The following LEKR1 variants were observed in gnomAD, a reference collection of about 807,000 sequenced individuals.
The protein encoded by LEKR1 is protein LEKR1.
LEKR1 carries 59 observed loss-of-function variants against 72.4 expected under a neutral mutation model. The observed-to-expected ratio is 0.82, with a 90% CI of 0.66 to 1.01. The LOEUF (loss-of-function observed/expected upper bound fraction) is 1.01, where lower values mean the gene tolerates loss of function less well. LEKR1 is among the 50% of genes least tolerant of loss of function. The pLI, the probability that LEKR1 is intolerant of heterozygous loss-of-function variation, is 0.00. For synonymous variants in LEKR1, 257 were observed against 263.2 expected (o/e 0.98, Z 0.23); for missense variants, 728 against 759.2 (o/e 0.96, Z 0.48).
At chr3:156,894,795 G>A (rs1367653222) in intron 3 of LEKR1, among the ~76,000 whole-genome samples, 1 of 152,100 alleles carries the variant, frequency 6.6e-6, no homozygotes, top group African/African-American at 2.4e-5. Flanking sequence ...AATGGGGAAA[G>A]GACTCCCTAT....
intron 2 of LEKR1, among the ~76,000 whole-genome samples, chr3:156,849,680 G>A (rs1341122786): frequency 6.6e-6 from 1 of 152,280 alleles, no homozygotes; most frequent in Non-Finnish European, 1.5e-5. Flanking sequence ...TTTAATAAAT[G>A]ATGCTGGGAA....
At chr3:156,869,098 A>G (rs1576698123) in intron 3 of LEKR1, among the ~76,000 whole-genome samples, 1 of 152,032 alleles carries the variant, frequency 6.6e-6, no homozygotes, top group South Asian at 2.1e-4. Context: ...CCATTCTTCC[A>G]TTGATGGACA....
At position 156,860,347 on chromosome 3, in the gene LEKR1, G is replaced by A. The variant is rs547692376; in HGVS notation, c.263+7365G>A. Among the ~76,000 whole-genome samples, 40 of 152,188 alleles carry A rather than the reference G, an allele frequency of 2.6e-4. No homozygotes were observed. In the South Asian group the frequency reaches 7.5e-3, roughly 28 times the overall value. ...ACATTTCCTCTTCAGTTTCTCCTCC[G>A]CTTATGCCAAATTGAGACTGTCATG... On this transcript the variant is annotated intron_variant, in intron 3 of 12. Transcript: ENST00000356539.
intron 3 of LEKR1, among the ~76,000 whole-genome samples, chr3:156,886,153 G>T (rs544815513): frequency 1.7e-4 from 26 of 152,156 alleles, no homozygotes; most frequent in Non-Finnish European, 1.0e-4. Context: ...GGGGAGGGGG[G>T]TTCTCAGGCC....
rs1452113789 is a variant in LEKR1 at position 156,888,343 on chromosome 3, C to T, written c.264-32232C>T. 9 of 701,914 alleles carry T rather than the reference C, an allele frequency of 1.3e-5. No homozygotes were observed. The South Asian group carries it at 1.3e-4, about 10-fold the overall frequency. 43.5% of individuals were successfully genotyped at this position (701,914 alleles called of 1,614,324 possible). ...GCTTAGACTGGAAGTAGAACATTGCCAGCTGAAAGAACGAATGCCAGATCT... is the reference window on the plus strand; with the variant it reads ...GCTTAGACTGGAAGTAGAACATTGCTAGCTGAAAGAACGAATGCCAGATCT... On this transcript the variant is annotated intron_variant, in intron 3 of 12. Transcript: ENST00000356539.
intron 10 of LEKR1, among the ~76,000 whole-genome samples, chr3:157,020,387 C>G: frequency 7.0e-6 from 1 of 143,636 alleles, no homozygotes; most frequent in Non-Finnish European, 1.5e-5. Flanking sequence ...ATTAACTCGT[C>G]ATTTAGCATT....
At chr3:156,986,526 A>T (rs1377521931) in intron 7 of LEKR1, among the ~76,000 whole-genome samples, 2 of 152,200 alleles carry the variant, frequency 1.3e-5, no homozygotes, top group East Asian at 3.9e-4. Context: ...ACTGGGGAGC[A>T]AGAAGACTGG....
At chr3:156,891,334 G>A (rs536563353) in intron 3 of LEKR1, among the ~76,000 whole-genome samples, 37 of 152,230 alleles carry the variant, frequency 2.4e-4, no homozygotes, top group South Asian at 4.1e-4. Context: ...TGCCTTTTGG[G>A]GTTATATCAT....
chr3:156,912,202 A>G (rs138791339), intron 3 of LEKR1, among the ~76,000 whole-genome samples: 84 of 152,288 alleles, frequency 5.5e-4, no homozygotes, highest in Non-Finnish European at 3.5e-4. Flanking sequence ...AATAAATTGT[A>G]TAATAATGAA....
At chr3:157,044,828 C>G (rs189611929) in intron 12 of LEKR1, among the ~76,000 whole-genome samples, 1 of 152,134 alleles carries the variant, frequency 6.6e-6, no homozygotes, top group South Asian at 2.1e-4. Context: ...ATTGTTTCAA[C>G]GCTATAGCTG....
chr3:157,022,305 A>C (rs943005579), intron 10 of LEKR1, among the ~76,000 whole-genome samples: 1 of 152,192 alleles, frequency 6.6e-6, no homozygotes, highest in Non-Finnish European at 1.5e-5. Context: ...AGAAGGAATA[A>C]AAAAATCTAA....
At chr3:156,900,057 A>C (rs1412341798) in intron 3 of LEKR1, among the ~76,000 whole-genome samples, 1 of 152,102 alleles carries the variant, frequency 6.6e-6, no homozygotes, top group Non-Finnish European at 1.5e-5. Flanking sequence ...TAGTATGGTA[A>C]ACTCAAATGC....
chr3:156,953,618 GT>G (rs892091793), intron 6 of LEKR1, among the ~76,000 whole-genome samples: 90 of 151,790 alleles, frequency 5.9e-4, no homozygotes, highest in African/African-American at 2.1e-3. Context: ...GGTTTTTGGT[GT>G]TTGGTTTTCT....
At chr3:156,941,944 T>G (rs186195287) in intron 5 of LEKR1, among the ~76,000 whole-genome samples, 3 of 152,066 alleles carry the variant, frequency 2.0e-5, no homozygotes, top group African/African-American at 4.8e-5. Context: ...AATAATGACA[T>G]GATTATTATG....
chr3:156,899,636 GCATATATACACATATATACA>G (rs1560064733), intron 3 of LEKR1, among the ~76,000 whole-genome samples: 14 of 68,618 alleles, frequency 2.0e-4, no homozygotes, highest in African/African-American at 8.0e-4. Flanking sequence ...ATATATACAC[GCATATATACACATATATACA>G]CGCATATATA....
intron 6 of LEKR1, among the ~76,000 whole-genome samples, chr3:156,968,975 C>T (rs1328887944): frequency 1.3e-5 from 2 of 152,186 alleles, no homozygotes; most frequent in African/African-American, 2.4e-5. Flanking sequence ...AAGAAACTCA[C>T]TCAAAACTGC....
intron 3 of LEKR1, among the ~76,000 whole-genome samples, chr3:156,899,643 T>C (rs1054918201): frequency 4.3e-5 from 6 of 139,272 alleles, no homozygotes; most frequent in South Asian, 2.3e-4. Context: ...CACGCATATA[T>C]ACACATATAT....
intron 6 of LEKR1, 131 bp downstream of exon 6, chr3:156,942,845 A>T: frequency 2.7e-6 from 1 of 364,616 alleles, no homozygotes; most frequent in South Asian, 2.2e-5. Context: ...CCTAATTATT[A>T]GTATCACTAT....
In LEKR1 at chr3:157,028,106, T is replaced by G; in HGVS notation, c.1372T>G (p.Ser458Ala). 2 of 1,560,542 alleles carry G rather than the reference T, an allele frequency of 1.3e-6. No homozygotes were observed. Among genetic ancestry groups the G allele is most frequent in the Non-Finnish European group, 1.7e-6 (2 of 1,154,386 alleles). Residue 458 changes from serine (S) to alanine (A), a missense_variant, in exon 12 of 13, where the codon TCT becomes GCT. Physicochemically the swap from Ser to Ala is moderately conservative, Grantham distance 99 (BLOSUM62 1). Transcript: ENST00000356539. Reference sequence around the variant, plus strand: ...TAATATGAGATTTATCTTACAGATATCTGACTTAATCACAGGCGCTACAAG... The same window carrying G: ...TAATATGAGATTTATCTTACAGATAGCTGACTTAATCACAGGCGCTACAAG... ...KEQEELQMKI[S>A]DLITGATRDL... is the part of the protein sequence containing the mutation.
Sources: gnomAD v4.1 joint callset for allele counts (sites outside exome capture counted in the v4.1 genomes callset) on GRCh38, gnomAD v4.1.1 for gene constraint, MANE v1.5 for transcripts, NCBI Gene and HGNC (gene_info 2026-07-23, HGNC 2026-07-21) for gene names.